Variants in GLOD4 observed in about 807,000 individuals in gnomAD.
GLOD4 encodes glyoxalase domain-containing protein 4.
In GLOD4, 44 loss-of-function variants were observed where a neutral mutation model predicts 39.1. The ratio of observed to expected loss-of-function variants is 1.13; its 90% CI spans 0.88 to 1.45. The LOEUF is 1.45. Among genes scored for constraint, GLOD4 ranks in the 40% most tolerant of loss-of-function variants. The pLI is 0.00. For missense variants in GLOD4, 405 were observed against 366.4 expected, an observed-to-expected ratio of 1.11 and a Z score of -0.86; for synonymous variants, 145 against 135.0, an observed-to-expected ratio of 1.07 and a Z score of -0.52.
chr17:779,511 G>A (rs564450383), intron 1 of GLOD4, among the ~76,000 whole-genome samples: 9 of 151,618 alleles, frequency 5.9e-5, no homozygotes, highest in South Asian at 2.1e-4. Flanking sequence ...GGTGGTGGGC[G>A]CTTGTAATCC....
chr17:774,293 G>A (rs952551490), intron 4 of GLOD4, among the ~76,000 whole-genome samples: 7 of 152,310 alleles, frequency 4.6e-5, no homozygotes, highest in African/African-American at 1.7e-4. Flanking sequence ...CAGCATGGGG[G>A]CATCGGGGAC....
intron 8 of GLOD4, among the ~76,000 whole-genome samples, chr17:769,605 T>C (rs1252948756): frequency 6.6e-6 from 1 of 151,728 alleles, no homozygotes; most frequent in Admixed American, 6.6e-5. Flanking sequence ...GGCATCTCCA[T>C]GTGGAGAGCA....
At position 759,382 on chromosome 17, in the gene GLOD4, G is replaced by C. The variant is rs1242424612; in HGVS notation, c.*791C>G. Reference sequence around the variant, plus strand: ...AATACACAATATAATTCCATTTCGAGTGATTAAAACCTATTTGTTGTTTAG... The same window carrying C: ...AATACACAATATAATTCCATTTCGACTGATTAAAACCTATTTGTTGTTTAG... On this transcript the variant is annotated 3_prime_UTR_variant, in exon 9 of 9. Transcript: ENST00000301329. The C allele has an allele frequency of 1.3e-5, 2 of 152,146 alleles. No individual in the cohort carries two copies. Among genetic ancestry groups the C allele is most frequent in the Admixed American group, 6.6e-5 (1 of 15,262 alleles). 9.4% of individuals were successfully genotyped at this position (152,146 alleles called of 1,614,324 possible).
At chr17:776,261 G>A (rs542626714) in intron 3 of GLOD4, among the ~76,000 whole-genome samples, 1 of 152,264 alleles carries the variant, frequency 6.6e-6, no homozygotes, top group Non-Finnish European at 1.5e-5. Context: ...ACCTGTTCTT[G>A]CTTTTTTAAC....
At chr17:761,512 T>A (rs189084342) in intron 8 of GLOD4, among the ~76,000 whole-genome samples, 1 of 152,320 alleles carries the variant, frequency 6.6e-6, no homozygotes, top group African/African-American at 2.4e-5. Context: ...GAAAGCTTTT[T>A]TTCTTTTTTG....
At chr17:783,021 G>T, upstream of GLOD4, 1 of 1,549,682 alleles carries the variant, frequency 6.5e-7, no homozygotes, top group South Asian at 1.2e-5. Flanking sequence ...TTACAACTAA[G>T]CGTGTCTCAG....
At position 782,280 on chromosome 17, in the gene GLOD4, C is replaced by T; in HGVS notation, c.-25G>A. 3 of 1,612,578 alleles carry T rather than the reference C, an allele frequency of 1.9e-6. No homozygotes were observed. Among genetic ancestry groups the T allele is most frequent in the Non-Finnish European group, 2.5e-6 (3 of 1,179,070 alleles). ...TGATTCCCGCCGCACGCAGCCGTCA[C>T]GCGCACCGTACAGCCCAGTCCACGA... On this transcript the variant is annotated 5_prime_UTR_variant, in exon 1 of 9. In the 5' UTR this introduces an upstream ATG that the reference lacks. Coordinates refer to ENST00000301329, the MANE Select transcript of GLOD4 (RefSeq NM_016080.4).
At chr17:760,542 G>C (rs528096802) in intron 8 of GLOD4, among the ~76,000 whole-genome samples, 1 of 152,136 alleles carries the variant, frequency 6.6e-6, no homozygotes, top group African/African-American at 2.4e-5. Context: ...TGTGGCTGGC[G>C]GACCAACGAG....
chr17:771,559 TAAG>T (rs1051400651), intron 4 of GLOD4, 98 bp from the exon 5 acceptor site: 6 of 702,690 alleles, frequency 8.5e-6, no homozygotes, highest in Non-Finnish European at 1.4e-5. Flanking sequence ...CAGTTTATGA[TAAG>T]AAAGGGATTT....
In GLOD4 at chr17:763,366, G is replaced by C. The variant is rs984422233; in HGVS notation, c.832-3128C>G. Among the ~76,000 whole-genome samples the C allele has an allele frequency of 2.8e-4, 42 of 151,492 alleles. 1 individual carries two copies. Among genetic ancestry groups the C allele is most frequent in the African/African-American group, 9.0e-4 (37 of 41,190 alleles). ...CTACTAAAAATACAAAAATTAGCTG[G>C]ACATGGTGGCGGGTGCCTGTAATCC... On this transcript the variant is annotated intron_variant, in intron 8 of 8. Transcript: ENST00000301329.
chr17:762,715 G>A (rs1006163031), intron 8 of GLOD4, among the ~76,000 whole-genome samples: 6 of 151,418 alleles, frequency 4.0e-5, no homozygotes, highest in Admixed American at 3.3e-4. Context: ...TACTCAGTGC[G>A]TGATCTTCAG....
At chr17:767,733 G>GA (rs1906908199) in intron 8 of GLOD4, among the ~76,000 whole-genome samples, 1 of 89,382 alleles carries the variant, frequency 1.1e-5, no homozygotes, top group African/African-American at 4.4e-5. Flanking sequence ...CGTAAGAGAG[G>GA]GAAACAGCGC....
In GLOD4 at chr17:770,145, C is replaced by A; in HGVS notation, c.643G>T (p.Glu215Ter). 6.2e-7 allele frequency: 1 copy of A among 1,605,154 alleles called. No homozygotes were observed. The highest frequency in any genetic ancestry group is 8.5e-7 in the Non-Finnish European group (1 of 1,172,238). Residue 215 changes from glutamate (E) to a stop codon, truncating the protein, a stop_gained, in exon 7 of 9, where the codon GAA (glutamate) becomes TAA (stop). Transcript: ENST00000301329. LOFTEE classifies it high-confidence loss of function. ...SCPQKELPDL[E>*]DLMKRENQKI... is the part of the protein sequence containing the mutation. ...TGGTTCTCCCTTTTCATCAAGTCTT[C>A]TAAGTCTGGCAACTTGAGGAAAACA...
At chr17:782,779 C>T (rs540734804), upstream of GLOD4, 7 of 1,361,532 alleles carry the variant, frequency 5.1e-6, no homozygotes, top group East Asian at 7.3e-5. Flanking sequence ...TGGAGGACTT[C>T]TTCCAGTACA....
At chr17:775,685 G>C (rs1908784433) in intron 4 of GLOD4, 90 bp downstream of exon 4, 1 of 1,042,262 alleles carries the variant, frequency 9.6e-7, no homozygotes, top group African/African-American at 1.6e-5. Context: ...CGTGAACACA[G>C]ACTCTACAAA....
At chr17:782,394 A>G (rs778683506), upstream of GLOD4, 4 of 1,613,714 alleles carry the variant, frequency 2.5e-6, no homozygotes, top group East Asian at 2.2e-5. Flanking sequence ...GGCGCTGGTG[A>G]GACCCGCGAG....
At chr17:785,836 T>C (rs1480738980), upstream of GLOD4, among the ~76,000 whole-genome samples, 2 of 152,252 alleles carry the variant, frequency 1.3e-5, no homozygotes, top group Non-Finnish European at 2.9e-5. Context: ...ATAATTGTTT[T>C]TTAAATATTT....
intron 8 of GLOD4, among the ~76,000 whole-genome samples, 160 bp downstream of exon 8, chr17:769,709 G>A (rs1907589710): frequency 6.6e-6 from 1 of 152,172 alleles, no homozygotes; most frequent in African/African-American, 2.4e-5. Flanking sequence ...CTACACAGGT[G>A]GCAGTGAAGA....
chr17:773,454 A>G (rs1325210411), intron 4 of GLOD4, among the ~76,000 whole-genome samples: 1 of 152,240 alleles, frequency 6.6e-6, no homozygotes, highest in Non-Finnish European at 1.5e-5. Flanking sequence ...ATTTTTGACA[A>G]AAGATTGGAA....
Sources: allele counts gnomAD v4.1 joint callset (sites outside exome capture counted in the v4.1 genomes callset), GRCh38; gene constraint gnomAD v4.1.1; transcripts MANE v1.5; gene names NCBI Gene and HGNC (gene_info 2026-07-23, HGNC 2026-07-21).